DCDC1: variants seen among roughly 807,000 people sequenced by gnomAD.
The protein encoded by DCDC1 is doublecortin domain-containing protein 1.
DCDC1 carries 200 observed loss-of-function variants against 178.3 expected under a neutral mutation model. That is an observed-to-expected ratio of 1.12 (90% CI 1.00 to 1.26). DCDC1 has a LOEUF of 1.26. DCDC1 is among the 50% of genes most tolerant of loss of function. The pLI is 0.00. For missense variants in DCDC1, 1,983 were observed against 1,749.2 expected (o/e 1.13, Z -2.38); for synonymous variants, 690 against 604.8 (o/e 1.14, Z -2.07).
rs140236362 is a variant in DCDC1, at chr11:31,109,826, C to T, written c.1587+434G>A. ...TGGAAAACAGAAAAAGGTAAGAGTGCCTAAGATGTAAGCAAAACTAGCTGA... is the reference window on the plus strand; with the variant it reads ...TGGAAAACAGAAAAAGGTAAGAGTGTCTAAGATGTAAGCAAAACTAGCTGA... On this transcript the variant is annotated intron_variant, in intron 12 of 38. Transcript: ENST00000684477. Among the ~76,000 whole-genome samples the T allele has an allele frequency of 9.2e-3, 1,396 of 152,140 alleles. 11 individuals carry two copies. Among genetic ancestry groups the T allele is most frequent in the Non-Finnish European group, 0.015 (998 of 67,998 alleles).
intron 1 of DCDC1, among the ~76,000 whole-genome samples, chr11:31,345,093 A>T (rs1191077857): frequency 6.6e-6 from 1 of 152,222 alleles, no homozygotes; most frequent in Non-Finnish European, 1.5e-5. Flanking sequence ...AATTATAATG[A>T]AAACCCAATC....
At chr11:30,895,827 T>G (rs1944162579) in intron 34 of DCDC1, among the ~76,000 whole-genome samples, 1 of 152,186 alleles carries the variant, frequency 6.6e-6, no homozygotes, top group Admixed American at 6.5e-5. Context: ...TTTACCCAAC[T>G]CTATTTATAG....
chr11:31,239,233 A>G (rs1372769592), intron 9 of DCDC1, among the ~76,000 whole-genome samples: 1 of 152,070 alleles, frequency 6.6e-6, no homozygotes, highest in African/African-American at 2.4e-5. Flanking sequence ...AATCTTATAT[A>G]AAACTAAATA....
intron 9 of DCDC1, among the ~76,000 whole-genome samples, chr11:31,226,082 T>C (rs1232356459): frequency 6.6e-6 from 1 of 152,064 alleles, no homozygotes; most frequent in Non-Finnish European, 1.5e-5. Flanking sequence ...AGAGGAAAGA[T>C]AGTATTTGTA....
At chr11:31,159,282 T>A (rs918237538) in intron 9 of DCDC1, among the ~76,000 whole-genome samples, 3 of 152,214 alleles carry the variant, frequency 2.0e-5, no homozygotes, top group Non-Finnish European at 4.4e-5. Flanking sequence ...CCAGCTAGGT[T>A]TATTGGCAAA....
chr11:31,071,978 C>T (rs1251836659), intron 18 of DCDC1, among the ~76,000 whole-genome samples: 2 of 152,116 alleles, frequency 1.3e-5, no homozygotes, highest in East Asian at 3.8e-4. Flanking sequence ...CCTGGCCTAC[C>T]AAAACTATGA....
intron 34 of DCDC1, among the ~76,000 whole-genome samples, chr11:30,897,176 T>C (rs936533918): frequency 3.3e-5 from 5 of 152,244 alleles, no homozygotes; most frequent in Non-Finnish European, 5.9e-5. Flanking sequence ...ACATGATTTA[T>C]GTTAGCACTC....
intron 7 of DCDC1, among the ~76,000 whole-genome samples, chr11:31,289,855 C>A (rs960978532): frequency 9.2e-5 from 14 of 151,928 alleles, no homozygotes; most frequent in African/African-American, 3.4e-4. Context: ...GGCCTCATAG[C>A]TAGTGAATGG....
Position 31,265,570 on chromosome 11 carries a change from G to A in DCDC1, c.991C>T (p.Leu331=). The A allele has an allele frequency of 7.0e-7, 1 of 1,429,878 alleles. No individual in the cohort carries two copies. Among genetic ancestry groups the A allele is most frequent in the Admixed American group, 2.6e-5 (1 of 39,152 alleles). 88.6% of individuals were successfully genotyped at this position (1,429,878 alleles called of 1,614,324 possible). The change falls in exon 8 of 39, where the codon CTA becomes TTA. Residue 331 remains leucine (L), a synonymous_variant. Coordinates refer to ENST00000684477, the MANE Select transcript of DCDC1 (RefSeq NM_001387274.1). ...TAAAAATATCTGGCTGGTAAATTTA[G>A]ATTCATTCTTATTGTACAAGTATCT... ...VLDTCTIRMN[L]NLPARYFYDL... is the part of the protein sequence containing the mutation.
intron 30 of DCDC1, among the ~76,000 whole-genome samples, chr11:30,905,548 G>A (rs185866692): frequency 1.3e-5 from 2 of 152,170 alleles, no homozygotes; most frequent in African/African-American, 4.8e-5. Flanking sequence ...CCATATGGTG[G>A]AAGATGTTGA....
intron 20 of DCDC1, among the ~76,000 whole-genome samples, chr11:30,971,578 T>G: frequency 6.6e-6 from 1 of 150,810 alleles, no homozygotes; most frequent in Non-Finnish European, 1.5e-5. Context: ...GAAGAAAGAA[T>G]TTCTGAACTT....
At chr11:31,250,990 T>C (rs1400771737) in intron 8 of DCDC1, among the ~76,000 whole-genome samples, 1 of 152,080 alleles carries the variant, frequency 6.6e-6, no homozygotes, top group East Asian at 1.9e-4. Flanking sequence ...CTTGACCTTG[T>C]GATCCATCCA....
intron 20 of DCDC1, among the ~76,000 whole-genome samples, chr11:31,058,207 G>A (rs1199777323): frequency 6.6e-6 from 1 of 152,114 alleles, no homozygotes; most frequent in Non-Finnish European, 1.5e-5. Flanking sequence ...TAGTTGGCTG[G>A]CAGACAGGAT....
rs936759904 is a variant in DCDC1 at position 30,916,868 on chromosome 11, AC to A, written c.3452+1del. On this transcript the variant is annotated splice_donor_variant, in intron 26 of 38. Transcript: ENST00000684477. LOFTEE classifies it high-confidence loss of function. Reference sequence around the variant, plus strand: ...TAAGAGGAATCCTTTGCAACTTTTTACCTGTGTTTCTTCTGTGGTTCCACAT... The same window carrying A: ...TAAGAGGAATCCTTTGCAACTTTTTACTGTGTTTCTTCTGTGGTTCCACAT... 1 of 1,595,912 alleles carries A rather than the reference AC, an allele frequency of 6.3e-7. No individual in the cohort carries two copies. Among genetic ancestry groups the A allele is most frequent in the African/African-American group, 1.3e-5 (1 of 74,170 alleles).
At chr11:30,895,567 T>G (rs905797741) in intron 34 of DCDC1, among the ~76,000 whole-genome samples, 1 of 152,216 alleles carries the variant, frequency 6.6e-6, no homozygotes, top group African/African-American at 2.4e-5. Context: ...GCACTTGTGC[T>G]CTTCTAGCTC....
At chr11:30,873,655 G>A (rs1176935669) in intron 38 of DCDC1, among the ~76,000 whole-genome samples, 1 of 152,092 alleles carries the variant, frequency 6.6e-6, no homozygotes, top group African/African-American at 2.4e-5. Flanking sequence ...ACTAGACTTA[G>A]GGCAAACAGA....
At chr11:31,232,701 G>C (rs551107095) in intron 9 of DCDC1, among the ~76,000 whole-genome samples, 1 of 152,056 alleles carries the variant, frequency 6.6e-6, no homozygotes, top group Non-Finnish European at 1.5e-5. Flanking sequence ...CTTAGACAAG[G>C]ACCTTACTGC....
chr11:31,163,796 G>A (rs1270419866), intron 9 of DCDC1, among the ~76,000 whole-genome samples: 2 of 152,136 alleles, frequency 1.3e-5, no homozygotes, highest in African/African-American at 4.8e-5. Context: ...TTTCAGGAAC[G>A]TTAAAACAAA....
At chr11:31,272,691 C>T (rs1049197764) in intron 7 of DCDC1, among the ~76,000 whole-genome samples, 1 of 152,210 alleles carries the variant, frequency 6.6e-6, no homozygotes. Context: ...CCATGTCTCA[C>T]ATACAGGTCA....
Sources: gnomAD v4.1 joint callset for allele counts (sites outside exome capture counted in the v4.1 genomes callset) on GRCh38, gnomAD v4.1.1 for gene constraint, MANE v1.5 for transcripts, NCBI Gene and HGNC (gene_info 2026-07-23, HGNC 2026-07-21) for gene names.